Variants in ERBB4 observed in about 807,000 individuals in gnomAD.
ERBB4 encodes receptor tyrosine-protein kinase erbB-4.
In ERBB4, 42 loss-of-function variants were observed where a neutral mutation model predicts 158.0. That is an observed-to-expected ratio of 0.27 (90% CI 0.21 to 0.34). The LOEUF (loss-of-function observed/expected upper bound fraction) is 0.34, where lower values mean the gene tolerates loss of function less well. Ranked by LOEUF, ERBB4 falls within the 10% of genes least tolerant of loss-of-function variation. ERBB4 has a pLI of 1.00. For missense variants in ERBB4, 1,333 were observed against 1,624.1 expected, an observed-to-expected ratio of 0.82 and a Z score of 3.08; for synonymous variants, 583 against 558.7, an observed-to-expected ratio of 1.04 and a Z score of -0.61.
At chr2:212,294,097 T>C (rs60532973) in intron 1 of ERBB4, among the ~76,000 whole-genome samples, 2,867 of 152,112 alleles carry the variant, frequency 0.019, 76 homozygotes, top group African/African-American at 0.066. Flanking sequence ...ACTGTTACTA[T>C]ACCATTATAG....
At chr2:212,368,069 TC>T (rs1203835822) in intron 1 of ERBB4, among the ~76,000 whole-genome samples, 2 of 152,110 alleles carry the variant, frequency 1.3e-5, no homozygotes, top group African/African-American at 2.4e-5. Context: ...GATCCAGCAA[TC>T]CCACTATTGG....
chr2:211,975,798 C>T (rs926318872), intron 2 of ERBB4, among the ~76,000 whole-genome samples: 1 of 152,036 alleles, frequency 6.6e-6, no homozygotes, highest in African/African-American at 2.4e-5. Flanking sequence ...AATTTATTAT[C>T]AGTACACATG....
At chr2:212,283,936 A>G (rs575507357) in intron 1 of ERBB4, among the ~76,000 whole-genome samples, 31 of 152,164 alleles carry the variant, frequency 2.0e-4, no homozygotes, top group African/African-American at 7.5e-4. Context: ...TCTCTTTCCT[A>G]AAGCCTCAAA....
At chr2:212,162,724 G>A (rs1251948540) in intron 1 of ERBB4, among the ~76,000 whole-genome samples, 1 of 151,858 alleles carries the variant, frequency 6.6e-6, no homozygotes, top group Non-Finnish European at 1.5e-5. Flanking sequence ...AAATGTGATA[G>A]CACAAGTACA....
chr2:212,263,204 T>C (rs2085007774), intron 1 of ERBB4, among the ~76,000 whole-genome samples: 2 of 152,002 alleles, frequency 1.3e-5, no homozygotes, highest in Non-Finnish European at 2.9e-5. Context: ...GTGTGACAGG[T>C]TCTGCTTGAG....
intron 1 of ERBB4, among the ~76,000 whole-genome samples, chr2:212,239,764 G>A (rs1000242498): frequency 1.3e-5 from 2 of 152,116 alleles, no homozygotes; most frequent in African/African-American, 4.8e-5. Flanking sequence ...ACATAAAGAG[G>A]TATGAAATAG....
intron 1 of ERBB4, among the ~76,000 whole-genome samples, chr2:212,529,096 C>T (rs1458986268): frequency 6.6e-6 from 1 of 152,002 alleles, no homozygotes; most frequent in Non-Finnish European, 1.5e-5. Context: ...TTTTATTGGC[C>T]TCATCTATTC....
At chr2:211,681,187 AG>A (rs1299716870) in intron 12 of ERBB4, among the ~76,000 whole-genome samples, 1 of 152,166 alleles carries the variant, frequency 6.6e-6, no homozygotes, top group Non-Finnish European at 1.5e-5. Context: ...ATGTATCAAT[AG>A]TTTATTCACT....
chr2:211,421,356 A>AG (rs1417448290), intron 24 of ERBB4, among the ~76,000 whole-genome samples: 1 of 151,820 alleles, frequency 6.6e-6, no homozygotes, highest in African/African-American at 2.4e-5. Context: ...AACATAATAC[A>AG]CTCTAGTCCA....
intron 20 of ERBB4, among the ~76,000 whole-genome samples, chr2:211,477,409 T>C (rs1004742142): frequency 3.9e-5 from 6 of 152,090 alleles, no homozygotes; most frequent in African/African-American, 7.2e-5. Flanking sequence ...AGAACCCTAA[T>C]TAATACACTA....
chr2:212,224,113 C>T (rs1651482580), intron 1 of ERBB4, among the ~76,000 whole-genome samples: 1 of 151,704 alleles, frequency 6.6e-6, no homozygotes, highest in African/African-American at 2.4e-5. Context: ...CATGTTTATT[C>T]TCATACAATT....
intron 2 of ERBB4, among the ~76,000 whole-genome samples, chr2:212,067,550 C>G (rs1199352378): frequency 6.6e-6 from 1 of 151,930 alleles, no homozygotes; most frequent in South Asian, 2.1e-4. Context: ...CAAAACTGGA[C>G]AGCATTATGT....
intron 20 of ERBB4, among the ~76,000 whole-genome samples, chr2:211,440,356 CTG>C (rs56889009): frequency 0.014 from 2,151 of 152,170 alleles, 55 homozygotes; most frequent in African/African-American, 0.049. Flanking sequence ...CAGTTATCCT[CTG>C]TGTCTCTTTA....
At chr2:211,886,363 CTACTG>C (rs1197082219) in intron 3 of ERBB4, among the ~76,000 whole-genome samples, 5 of 152,112 alleles carry the variant, frequency 3.3e-5, no homozygotes, top group African/African-American at 1.2e-4. Context: ...CTTCTGTTTA[CTACTG>C]TATTCTCATC....
At chr2:212,497,019 A>G (rs1414982620) in intron 1 of ERBB4, among the ~76,000 whole-genome samples, 1 of 151,900 alleles carries the variant, frequency 6.6e-6, no homozygotes, top group Non-Finnish European at 1.5e-5. Context: ...GTCTCTACTA[A>G]AAAATATGAA....
intron 2 of ERBB4, among the ~76,000 whole-genome samples, chr2:212,048,152 G>C (rs1476893889): frequency 6.6e-6 from 1 of 152,106 alleles, no homozygotes; most frequent in Non-Finnish European, 1.5e-5. Context: ...TGCCTCAGCT[G>C]GAACAGCATG....
At chr2:211,433,657 C>T (rs746981578) in intron 20 of ERBB4, among the ~76,000 whole-genome samples, 7 of 152,150 alleles carry the variant, frequency 4.6e-5, no homozygotes, top group Non-Finnish European at 1.0e-4. Flanking sequence ...GGTGTCAGTA[C>T]AGAGAATGGA....
intron 1 of ERBB4, among the ~76,000 whole-genome samples, chr2:212,357,252 G>A (rs2089496602): frequency 6.6e-6 from 1 of 151,600 alleles, no homozygotes; most frequent in Non-Finnish European, 1.5e-5. Context: ...AATATTGTAT[G>A]GTTACCTCCT....
At chr2:212,381,413 G>C (rs113167237) in intron 1 of ERBB4, among the ~76,000 whole-genome samples, 2,295 of 151,340 alleles carry the variant, frequency 0.015, 50 homozygotes, top group African/African-American at 0.053. Flanking sequence ...GTCTTGTGTG[G>C]TATAATTTAC....
Sources: allele counts gnomAD v4.1 joint callset (sites outside exome capture counted in the v4.1 genomes callset), GRCh38; gene constraint gnomAD v4.1.1; transcripts MANE v1.5; gene names NCBI Gene and HGNC (gene_info 2026-07-23, HGNC 2026-07-21).